SREK1IP1: variants seen among roughly 807,000 people sequenced by gnomAD.
SREK1IP1 encodes the protein protein SREK1IP1.
SREK1IP1 carries 12 observed loss-of-function variants against 22.8 expected under a neutral mutation model. That is an observed-to-expected ratio of 0.53 (90% CI 0.34 to 0.85). The LOEUF (loss-of-function observed/expected upper bound fraction) is 0.85. Ranked by LOEUF, SREK1IP1 falls within the 40% of genes least tolerant of loss-of-function variation. SREK1IP1 has a pLI of 0.02. For missense variants in SREK1IP1, 147 were observed against 171.8 expected, an observed-to-expected ratio of 0.86 and a Z score of 0.81; for synonymous variants, 53 against 52.7, an observed-to-expected ratio of 1.01 and a Z score of -0.02.
intron 3 of SREK1IP1, among the ~76,000 whole-genome samples, chr5:64,734,134 C>T (rs895186679): frequency 2.0e-5 from 3 of 152,004 alleles, no homozygotes; most frequent in African/African-American, 7.2e-5. Flanking sequence ...ACAAAAGGGT[C>T]TCTATGTGAT....
intron 2 of SREK1IP1, among the ~76,000 whole-genome samples, chr5:64,744,909 AC>A (rs1430793166): frequency 1.3e-5 from 2 of 152,202 alleles, no homozygotes; most frequent in East Asian, 1.9e-4. Context: ...GGGAACTCAA[AC>A]ACACTATACG....
intron 2 of SREK1IP1, among the ~76,000 whole-genome samples, chr5:64,746,557 C>T (rs1176828518): frequency 1.3e-5 from 2 of 152,090 alleles, no homozygotes; most frequent in Non-Finnish European, 2.9e-5. Flanking sequence ...AGAAGAAATA[C>T]AAATGGTGAA....
intron 2 of SREK1IP1, among the ~76,000 whole-genome samples, chr5:64,753,391 C>T (rs2112107271): frequency 6.6e-6 from 1 of 152,322 alleles, no homozygotes; most frequent in East Asian, 1.9e-4. Context: ...GCACTCATTT[C>T]TTGCGTGCAA....
chr5:64,726,846 T>C (rs1350912111), intron 4 of SREK1IP1, among the ~76,000 whole-genome samples: 2 of 152,146 alleles, frequency 1.3e-5, no homozygotes, highest in South Asian at 2.1e-4. Flanking sequence ...AATAGAATGG[T>C]TGTATGGGTA....
At chr5:64,762,302 C>G (rs77295923) in intron 1 of SREK1IP1, among the ~76,000 whole-genome samples, 9,800 of 151,984 alleles carry the variant, frequency 0.064, 1,043 homozygotes, top group African/African-American at 0.23. Flanking sequence ...GTCACAGGAC[C>G]CATTCTTTTC....
chr5:64,731,296 A>G (rs1367411387), intron 3 of SREK1IP1, among the ~76,000 whole-genome samples: 2 of 152,180 alleles, frequency 1.3e-5, no homozygotes, highest in South Asian at 2.1e-4. Context: ...GGAGGATCGC[A>G]TAAGACTCAG....
intron 4 of SREK1IP1, chr5:64,727,553 A>ATATATATATATATATT: frequency 7.1e-5 from 6 of 84,708 alleles, no homozygotes; most frequent in African/African-American, 3.3e-4. Context: ...ATATATATAT[A>ATATATATATATATATT]TTTTTTTTTT....
Position 64,722,173 on chromosome 5 carries a change from A to T in SREK1IP1, c.*2211T>A, listed in dbSNP as rs1742173771. 6.6e-6 allele frequency: 1 copy of T among 152,228 alleles called. No homozygotes were observed. Among genetic ancestry groups the T allele is most frequent in the South Asian group, 2.1e-4 (1 of 4,834 alleles). 9.4% of individuals were successfully genotyped at this position (152,228 alleles called of 1,614,324 possible). A position where few individuals can be genotyped will look rare whatever the true frequency, so the allele number is the denominator to read the frequency against. ...CAATTTCATAAACTATGCTAAAATT[A>T]TGGGAAATTTACTTAGAAATGCCAA... On this transcript the variant is annotated 3_prime_UTR_variant, in exon 5 of 5. Coordinates refer to ENST00000513458, the MANE Select transcript of SREK1IP1 (RefSeq NM_173829.4).
intron 3 of SREK1IP1, among the ~76,000 whole-genome samples, chr5:64,740,331 G>A (rs2112096419): frequency 6.6e-6 from 1 of 152,182 alleles, no homozygotes; most frequent in African/African-American, 2.4e-5. Flanking sequence ...CATCCTTTTA[G>A]TAGGATGTAA....
rs1742192547 is a variant in SREK1IP1 at position 64,722,764 on chromosome 5, A to C, written c.*1620T>G. The stretch of plus-strand genomic sequence containing the variant: ...GTTATGGAAGGGTTGAAAGCGTGAG[A>C]GCTCTCATGGCTGCAATGCAGAGGG... On this transcript the variant is annotated 3_prime_UTR_variant, in exon 5 of 5. Coordinates refer to ENST00000513458, the MANE Select transcript of SREK1IP1 (RefSeq NM_173829.4). The C allele has an allele frequency of 6.6e-6, 1 of 152,328 alleles. No individual in the cohort carries two copies. Among genetic ancestry groups the C allele is most frequent in the South Asian group, 2.1e-4 (1 of 4,826 alleles). The allele number at this position is 152,328 out of a possible 1,614,324, so 9.4% of individuals were successfully genotyped here. A position where few individuals can be genotyped will look rare whatever the true frequency, so the allele number is the denominator to read the frequency against.
intron 3 of SREK1IP1, among the ~76,000 whole-genome samples, chr5:64,735,779 T>G (rs1011913528): frequency 6.6e-5 from 10 of 152,154 alleles, no homozygotes; most frequent in Non-Finnish European, 1.5e-4. Flanking sequence ...GTTTGGATAG[T>G]GATTTTTCAG....
chr5:64,763,492 G>C (rs529550630), intron 1 of SREK1IP1, among the ~76,000 whole-genome samples: 1 of 152,120 alleles, frequency 6.6e-6, no homozygotes, highest in East Asian at 1.9e-4. Flanking sequence ...AGCCGAGACA[G>C]TGCCACTGCA....
chr5:64,737,364 G>T (rs1320643814), intron 3 of SREK1IP1, among the ~76,000 whole-genome samples: 1 of 151,110 alleles, frequency 6.6e-6, no homozygotes, highest in Non-Finnish European at 1.5e-5. Flanking sequence ...AATCAAAAGA[G>T]AAATTAAAAA....
rs79725727 is a variant in SREK1IP1, at chr5:64,751,895, A to T, written c.61+2420T>A. On this transcript the variant is annotated intron_variant, in intron 2 of 4. Coordinates refer to ENST00000513458, the MANE Select transcript of SREK1IP1 (RefSeq NM_173829.4). ...AAAAGTGACAAATTTATATTTATGT[A>T]AAATGTTAAAGGTATTTACATATTT... Among the ~76,000 whole-genome samples the T allele has an allele frequency of 7.9e-5, 12 of 152,198 alleles. No individual in the cohort carries two copies. In the East Asian group the frequency reaches 2.3e-3, roughly 29 times the overall value.
At chr5:64,750,973 C>T (rs1438539942) in intron 2 of SREK1IP1, among the ~76,000 whole-genome samples, 2 of 152,114 alleles carry the variant, frequency 1.3e-5, no homozygotes, top group Non-Finnish European at 2.9e-5. Flanking sequence ...TTTTGTACCT[C>T]TCTCATGGAA....
At chr5:64,734,721 G>C (rs919677518) in intron 3 of SREK1IP1, among the ~76,000 whole-genome samples, 4 of 151,924 alleles carry the variant, frequency 2.6e-5, no homozygotes, top group African/African-American at 9.7e-5. Flanking sequence ...TTCATTGCCA[G>C]TGTACAGAAA....
chr5:64,741,387 C>T (rs1742549622), intron 2 of SREK1IP1, among the ~76,000 whole-genome samples, 187 bp from the exon 3 acceptor site: 1 of 152,114 alleles, frequency 6.6e-6, no homozygotes, highest in East Asian at 1.9e-4. Flanking sequence ...GAATGCAATA[C>T]TCAGAAAGAA....
intron 3 of SREK1IP1, among the ~76,000 whole-genome samples, chr5:64,729,345 AG>A (rs1742334130): frequency 6.6e-6 from 1 of 152,196 alleles, no homozygotes; most frequent in South Asian, 2.1e-4. Flanking sequence ...AGTGCATGTC[AG>A]GAAGAGGAAA....
intron 2 of SREK1IP1, among the ~76,000 whole-genome samples, chr5:64,744,668 T>A (rs1022680678): frequency 3.3e-5 from 5 of 152,250 alleles, no homozygotes; most frequent in African/African-American, 9.6e-5. Flanking sequence ...TGAAAATTTC[T>A]GTGTAGTTTT....
Sources: allele counts gnomAD v4.1 joint callset (sites outside exome capture counted in the v4.1 genomes callset), GRCh38; gene constraint gnomAD v4.1.1; transcripts MANE v1.5; gene names NCBI Gene and HGNC (gene_info 2026-07-23, HGNC 2026-07-21).